The following PTPN12 variants were observed in gnomAD, a reference collection of about 807,000 sequenced individuals.
PTPN12 encodes tyrosine-protein phosphatase non-receptor type 12.
A neutral mutation model predicts 97.6 loss-of-function variants in PTPN12; 29 were observed. The observed-to-expected ratio is 0.30, with a 90% CI of 0.22 to 0.41. The LOEUF is 0.41. PTPN12 is among the 10% of genes least tolerant of loss of function. The pLI is 1.00. For missense variants in PTPN12, 819 were observed against 926.0 expected (o/e 0.88, Z 1.50); for synonymous variants, 327 against 300.4 (o/e 1.09, Z -0.91).
chr7:77,606,627 C>G (rs1361992909), intron 8 of PTPN12, among the ~76,000 whole-genome samples: 2 of 152,196 alleles, frequency 1.3e-5, no homozygotes, highest in African/African-American at 2.4e-5. Context: ...CTTCACTGTC[C>G]TCAGTTTCAG....
chr7:77,621,341 T>C (rs1788930509), intron 12 of PTPN12, among the ~76,000 whole-genome samples: 1 of 152,078 alleles, frequency 6.6e-6, no homozygotes, highest in Non-Finnish European at 1.5e-5. Flanking sequence ...AACAGTTAAC[T>C]AATTTTTTAA....
intron 12 of PTPN12, among the ~76,000 whole-genome samples, chr7:77,625,467 T>TGCTCGCTCGCTC (rs1298553010): frequency 2.0e-4 from 4 of 19,918 alleles, no homozygotes; most frequent in Non-Finnish European, 3.0e-4. Context: ...TTGCCCAGGC[T>TGCTCGCTCGCTC]GCTCGCTCTC....
At chr7:77,625,335 T>C (rs1789096316) in intron 12 of PTPN12, among the ~76,000 whole-genome samples, 1 of 150,318 alleles carries the variant, frequency 6.7e-6, no homozygotes, top group Non-Finnish European at 1.5e-5. Context: ...CCTGCAGCCT[T>C]GACCTCCCCA....
At chr7:77,565,733 C>A (rs1251551691) in intron 1 of PTPN12, among the ~76,000 whole-genome samples, 2 of 152,138 alleles carry the variant, frequency 1.3e-5, no homozygotes, top group Non-Finnish European at 2.9e-5. Flanking sequence ...TAGGGGAATA[C>A]AAATTTAGTG....
chr7:77,570,305 A>G (rs976066922), intron 1 of PTPN12, among the ~76,000 whole-genome samples: 25 of 152,188 alleles, frequency 1.6e-4, no homozygotes, highest in African/African-American at 6.0e-4. Context: ...TTTTCATTTT[A>G]TTTGTATTTA....
At chr7:77,625,467 T>TGCTC (rs1298553010) in intron 12 of PTPN12, among the ~76,000 whole-genome samples, 489 of 19,898 alleles carry the variant, frequency 0.025, 70 homozygotes, top group Middle Eastern at 0.071. Context: ...TTGCCCAGGC[T>TGCTC]GCTCGCTCTC....
At chr7:77,621,489 C>T (rs187032932) in intron 12 of PTPN12, among the ~76,000 whole-genome samples, 100 of 152,126 alleles carry the variant, frequency 6.6e-4, no homozygotes, top group African/African-American at 2.3e-3. Context: ...GCCACCATAG[C>T]GAAACCCTGT....
chr7:77,601,245 C>T (rs1445160146), intron 8 of PTPN12, among the ~76,000 whole-genome samples: 1 of 152,140 alleles, frequency 6.6e-6, no homozygotes, highest in Non-Finnish European at 1.5e-5. Context: ...GGTTGGAGTG[C>T]AGTGGCACAA....
intron 8 of PTPN12, among the ~76,000 whole-genome samples, chr7:77,605,947 T>C (rs1389272893): frequency 1.0e-3 from 57 of 55,294 alleles, no homozygotes; most frequent in African/African-American, 3.3e-3. Context: ...AGAGCCATCT[T>C]TTTTTTTTTT....
At chr7:77,573,695 G>A (rs1371615436) in intron 2 of PTPN12, among the ~76,000 whole-genome samples, 1 of 152,206 alleles carries the variant, frequency 6.6e-6, no homozygotes, top group African/African-American at 2.4e-5. Context: ...CACATTCAAA[G>A]AGTTAGCCTG....
chr7:77,603,572 G>A (rs533101746), intron 8 of PTPN12, among the ~76,000 whole-genome samples: 4 of 152,048 alleles, frequency 2.6e-5, no homozygotes, highest in Admixed American at 6.6e-5. Context: ...TGCAACCTCC[G>A]CCTCAACTAT....
chr7:77,595,295 AT>A (rs1787989564), intron 6 of PTPN12, among the ~76,000 whole-genome samples: 5 of 152,200 alleles, frequency 3.3e-5, no homozygotes, highest in Non-Finnish European at 7.3e-5. Flanking sequence ...GAAAAATCAA[AT>A]TTATAAATAG....
At chr7:77,563,524 A>G (rs1808088348) in intron 1 of PTPN12, among the ~76,000 whole-genome samples, 1 of 152,214 alleles carries the variant, frequency 6.6e-6, no homozygotes, top group Non-Finnish European at 1.5e-5. Context: ...TTTCATGAAG[A>G]TGATTTCTGT....
At chr7:77,555,446 A>G (rs1247970716) in intron 1 of PTPN12, among the ~76,000 whole-genome samples, 3 of 151,946 alleles carry the variant, frequency 2.0e-5, no homozygotes, top group African/African-American at 7.3e-5. Context: ...CAGTTTTTGC[A>G]TATTCCATTC....
chr7:77,622,556 T>C (rs1294891637), intron 12 of PTPN12, among the ~76,000 whole-genome samples: 2 of 151,790 alleles, frequency 1.3e-5, no homozygotes, highest in Middle Eastern at 3.2e-3. Context: ...GATCACAAGG[T>C]CAGGAGTTTG....
intron 4 of PTPN12, among the ~76,000 whole-genome samples, chr7:77,584,759 C>A (rs967248875): frequency 4.6e-5 from 7 of 151,988 alleles, no homozygotes; most frequent in African/African-American, 1.7e-4. Flanking sequence ...CGCCTGTAGT[C>A]CCAGCTACTC....
chr7:77,537,365 C>A lies in PTPN12; in HGVS notation c.-182C>A, dbSNP rs1178342022. 2.5e-6 allele frequency: 2 copies of A among 813,620 alleles called. No individual in the cohort carries two copies. Among genetic ancestry groups the A allele is most frequent in the African/African-American group, 3.7e-5 (2 of 53,338 alleles). 50.4% of individuals were successfully genotyped at this position (813,620 alleles called of 1,614,324 possible). A position where few individuals can be genotyped will look rare whatever the true frequency, so the allele number is the denominator to read the frequency against. On this transcript the variant is annotated 5_prime_UTR_variant, in exon 1 of 18. Transcript: ENST00000248594. ...TCCTGGAAGTTGTGGTGTCGGGAGCCCAGCCGGTGCCGCCGCAGCCGCCGC... is the reference window on the plus strand; with the variant it reads ...TCCTGGAAGTTGTGGTGTCGGGAGCACAGCCGGTGCCGCCGCAGCCGCCGC...
Position 77,618,505 on chromosome 7 carries a change from T to A in PTPN12, c.965T>A (p.Val322Asp). 1 of 1,604,640 alleles carries A rather than the reference T, an allele frequency of 6.2e-7. No homozygotes were observed. Among genetic ancestry groups the A allele is most frequent in the Non-Finnish European group, 8.5e-7 (1 of 1,173,716 alleles). ...GVNEINTENMVSSIEPEKQDS... is the reference protein window; with the variant it reads ...GVNEINTENMDSSIEPEKQDS... ...AATGAAATTAACACTGAAAACATGG[T>A]CAGCTCCATAGAGCCTGAAAAACAA... Residue 322 changes from valine to aspartate, a missense_variant, in exon 12 of 18, where the codon GTC becomes GAC. Physicochemically the swap from Val to Asp is radical, Grantham distance 152 (BLOSUM62 -3). This residue lies in a region of PTPN12 where 607 missense variants were observed against 577.3 expected (regional missense o/e 1.05). Coordinates refer to ENST00000248594, the MANE Select transcript of PTPN12 (RefSeq NM_002835.4).
chr7:77,639,271 AT>A lies in PTPN12; in HGVS notation c.2335del (p.Trp779GlyfsTer7), dbSNP rs1339739442. The A allele has an allele frequency of 5.0e-6, 8 of 1,612,000 alleles. No individual in the cohort carries two copies. Among genetic ancestry groups the A allele is most frequent in the Non-Finnish European group, 6.8e-6 (8 of 1,178,814 alleles). Reference protein sequence around the residue: ...PKGPRDPPSEWT With the variant: ...PKGPRDPPSEXT ...AAGGACCAAGAGATCCACCTTCAGA[AT>A]GGACATGATTCAGGGAGCTAGAAGA... is the stretch of plus-strand genomic sequence containing the variant. On this transcript the variant is annotated frameshift_variant, in exon 18 of 18. Transcript: ENST00000248594. LOFTEE classifies it high-confidence loss of function.
Sources: allele counts gnomAD v4.1 joint callset (sites outside exome capture counted in the v4.1 genomes callset), GRCh38; gene constraint gnomAD v4.1.1; regional missense constraint gnomAD v4.1.1; transcripts MANE v1.5; gene names NCBI Gene and HGNC (gene_info 2026-07-23, HGNC 2026-07-21).